The following ASAP1 variants were observed in gnomAD, a reference collection of about 807,000 sequenced individuals.
The protein encoded by ASAP1 is arf-GAP with SH3 domain, ANK repeat and PH domain-containing protein 1.
Under a neutral mutation model 145.2 loss-of-function variants are expected in ASAP1, and 43 were observed. That is an observed-to-expected ratio of 0.30 (90% CI 0.23 to 0.38). ASAP1 has a LOEUF of 0.38. Ranked by LOEUF, ASAP1 falls within the 10% of genes least tolerant of loss-of-function variation. ASAP1 has a pLI of 1.00. For synonymous variants in ASAP1, 546 were observed against 515.5 expected (o/e 1.06, Z -0.80); for missense variants, 1,018 against 1,355.3 (o/e 0.75, Z 3.91).
chr8:130,201,387 C>T (rs568174525), intron 5 of ASAP1, among the ~76,000 whole-genome samples: 36 of 152,274 alleles, frequency 2.4e-4, no homozygotes, highest in African/African-American at 7.9e-4. Context: ...TCATAAAGTA[C>T]ATTTTACTGG....
At chr8:130,439,777 A>T (rs564627005) in intron 1 of ASAP1, among the ~76,000 whole-genome samples, 216 of 152,340 alleles carry the variant, frequency 1.4e-3, no homozygotes, top group Admixed American at 5.5e-3. Context: ...GGGAAATGAA[A>T]CACAGGGCAT....
At chr8:130,259,369 G>A (rs867470676) in intron 3 of ASAP1, among the ~76,000 whole-genome samples, 4 of 152,128 alleles carry the variant, frequency 2.6e-5, no homozygotes, top group South Asian at 4.1e-4. Flanking sequence ...TCTATGAAAA[G>A]AAAACCTCAA....
chr8:130,382,825 C>A (rs532861967), intron 2 of ASAP1, among the ~76,000 whole-genome samples: 2 of 148,112 alleles, frequency 1.4e-5, no homozygotes, highest in Non-Finnish European at 3.0e-5. Context: ...TCAACCTGGG[C>A]GACAGAGCAA....
chr8:130,127,484 T>C (rs1287720059), intron 16 of ASAP1, among the ~76,000 whole-genome samples: 1 of 152,194 alleles, frequency 6.6e-6, no homozygotes, highest in East Asian at 1.9e-4. Context: ...CCCAAAGTGC[T>C]GGGATTACAG....
At chr8:130,295,218 G>A (rs1015679170) in intron 3 of ASAP1, among the ~76,000 whole-genome samples, 1 of 152,164 alleles carries the variant, frequency 6.6e-6, no homozygotes, top group Non-Finnish European at 1.5e-5. Context: ...AGAAGTTCAA[G>A]GCTACAGTGA....
chr8:130,359,402 T>G (rs1200474851), intron 2 of ASAP1, among the ~76,000 whole-genome samples: 2 of 152,054 alleles, frequency 1.3e-5, no homozygotes, highest in Non-Finnish European at 2.9e-5. Flanking sequence ...TCCATTTAAT[T>G]TCTCACCATT....
At chr8:130,416,239 T>C (rs1829470127) in intron 1 of ASAP1, among the ~76,000 whole-genome samples, 2 of 152,170 alleles carry the variant, frequency 1.3e-5, no homozygotes, top group Non-Finnish European at 2.9e-5. Flanking sequence ...TGGAAGGCCC[T>C]TGAAAAATCC....
chr8:130,364,026 T>C (rs548047777), intron 2 of ASAP1, among the ~76,000 whole-genome samples: 72 of 152,240 alleles, frequency 4.7e-4, no homozygotes, highest in Non-Finnish European at 9.4e-4. Flanking sequence ...TATGAGTGCT[T>C]CCCAATTGCA....
chr8:130,272,009 A>C (rs896757645), intron 3 of ASAP1, among the ~76,000 whole-genome samples: 3 of 152,174 alleles, frequency 2.0e-5, no homozygotes, highest in Admixed American at 2.0e-4. Flanking sequence ...ATTTAAAAAA[A>C]GACTTACTGT....
intron 13 of ASAP1, among the ~76,000 whole-genome samples, chr8:130,141,018 A>C (rs181174436): frequency 6.6e-6 from 1 of 152,318 alleles, no homozygotes; most frequent in East Asian, 1.9e-4. Context: ...GTACTAATTT[A>C]TAGGTATATT....
chr8:130,183,677 AC>A (rs575072120), intron 7 of ASAP1, among the ~76,000 whole-genome samples: 79 of 152,274 alleles, frequency 5.2e-4, no homozygotes, highest in African/African-American at 1.9e-3. Context: ...CTGATTTACC[AC>A]TTTTATAAAA....
At chr8:130,440,096 T>C (rs1203678109) in intron 1 of ASAP1, among the ~76,000 whole-genome samples, 1 of 152,110 alleles carries the variant, frequency 6.6e-6, no homozygotes, top group African/African-American at 2.4e-5. Context: ...ATCAATGCTA[T>C]CTCCAAGATC....
chr8:130,214,711 A>C lies in ASAP1; in HGVS notation c.260-10T>G. On this transcript the variant is annotated splice_polypyrimidine_tract_variant and intron_variant, in intron 4 of 29. Transcript: ENST00000518721. ...TCATTTTGTACATGATCTAAAAACAAAAAAGAAGAAGAAAGGAGTCTGAAC... is the reference window on the plus strand; with the variant it reads ...TCATTTTGTACATGATCTAAAAACACAAAAGAAGAAGAAAGGAGTCTGAAC... The C allele has an allele frequency of 6.4e-7, 1 of 1,573,588 alleles. No individual in the cohort carries two copies. The highest frequency in any genetic ancestry group is 2.0e-5 in the Admixed American group (1 of 50,244).
At chr8:130,170,879 T>C (rs1270555036) in intron 9 of ASAP1, among the ~76,000 whole-genome samples, 1 of 152,096 alleles carries the variant, frequency 6.6e-6, no homozygotes, top group African/African-American at 2.4e-5. Flanking sequence ...CCACCATGCC[T>C]GGCTCATTTT....
At chr8:130,402,673 C>A (rs917334861) in intron 1 of ASAP1, among the ~76,000 whole-genome samples, 1 of 152,104 alleles carries the variant, frequency 6.6e-6, no homozygotes, top group African/African-American at 2.4e-5. Context: ...GGCGAAAAAC[C>A]GAGAGACATC....
At chr8:130,167,928 G>A (rs898696707) in intron 10 of ASAP1, among the ~76,000 whole-genome samples, 1 of 152,094 alleles carries the variant, frequency 6.6e-6, no homozygotes, top group African/African-American at 2.4e-5. Context: ...TTTTTCAAAG[G>A]GTGGTAATGA....
intron 5 of ASAP1, among the ~76,000 whole-genome samples, chr8:130,188,562 C>T (rs117593476): frequency 0.017 from 2,612 of 151,554 alleles, 32 homozygotes; most frequent in Middle Eastern, 0.051. Flanking sequence ...GGGGAGACAC[C>T]GTCTCTGCTA....
At chr8:130,117,686 G>A (rs2097558632) in intron 20 of ASAP1, among the ~76,000 whole-genome samples, 1 of 152,158 alleles carries the variant, frequency 6.6e-6, no homozygotes. Flanking sequence ...ACACACTGCT[G>A]CTGTCTTATA....
At chr8:130,340,937 A>G (rs1220285079) in intron 3 of ASAP1, 1 of 452,106 alleles carries the variant, frequency 2.2e-6, no homozygotes, top group East Asian at 7.0e-5. Flanking sequence ...AGGGAATAAA[A>G]TACTAGGTTT....
Sources: allele counts gnomAD v4.1 joint callset (sites outside exome capture counted in the v4.1 genomes callset), GRCh38; gene constraint gnomAD v4.1.1; transcripts MANE v1.5; gene names NCBI Gene and HGNC (gene_info 2026-07-23, HGNC 2026-07-21).